NRXN3: variants seen among roughly 807,000 people sequenced by gnomAD.
NRXN3 encodes neurexin 3, also known as neurexin III.
NRXN3 carries 32 observed loss-of-function variants against 137.6 expected under a neutral mutation model. The ratio of observed to expected loss-of-function variants is 0.23; its 90% CI spans 0.18 to 0.31. The LOEUF is 0.31. Among genes scored for constraint, NRXN3 ranks in the 10% least tolerant of loss-of-function variants. The pLI is 1.00. For missense variants in NRXN3, 1,574 were observed against 2,062.5 expected, an observed-to-expected ratio of 0.76 and a Z score of 4.59; for synonymous variants, 798 against 784.5, an observed-to-expected ratio of 1.02 and a Z score of -0.29.
intron 11 of NRXN3, among the ~76,000 whole-genome samples, chr14:78,963,831 C>T (rs907670751): frequency 3.3e-5 from 5 of 152,082 alleles, no homozygotes; most frequent in Non-Finnish European, 7.4e-5. Context: ...GCTGTGTTAC[C>T]TAGGCTGGAG....
At position 78,978,885 on chromosome 14, in the gene NRXN3, G is replaced by T. The variant is rs71414774; in HGVS notation, c.3143-9137G>T. 6.0e-3 allele frequency among the ~76,000 whole-genome samples: 908 copies of T among 151,696 alleles called. 3 individuals carry two copies. The highest frequency in any genetic ancestry group is 7.9e-3 in the South Asian group (38 of 4,800). ...CTGTATGCTGGAGAATAAAACAGTT[G>T]GATTCTAAAGCCCTGGGAATGGGGG... On this transcript the variant is annotated intron_variant, in intron 14 of 20. Transcript: ENST00000335750.
intron 4 of NRXN3, among the ~76,000 whole-genome samples, chr14:78,560,748 A>G (rs1327711760): frequency 6.6e-6 from 1 of 152,180 alleles, no homozygotes; most frequent in Admixed American, 6.5e-5. Flanking sequence ...AACCTGGGGG[A>G]AAAGAGTGTT....
intron 17 of NRXN3, among the ~76,000 whole-genome samples, chr14:79,676,084 C>T (rs1278488138): frequency 6.6e-6 from 1 of 151,994 alleles, no homozygotes; most frequent in Non-Finnish European, 1.5e-5. Flanking sequence ...CCTTCATTAT[C>T]TCAGCATTGG....
chr14:79,083,897 A>G (rs777585202), intron 15 of NRXN3, among the ~76,000 whole-genome samples: 1 of 151,992 alleles, frequency 6.6e-6, no homozygotes, highest in Non-Finnish European at 1.5e-5. Flanking sequence ...AGCATGGGAA[A>G]GTTTTTTGTT....
intron 10 of NRXN3, among the ~76,000 whole-genome samples, chr14:78,823,245 ACT>A (rs1387752558): frequency 7.9e-5 from 12 of 151,990 alleles, no homozygotes; most frequent in Non-Finnish European, 1.3e-4. Context: ...TAATGCTGGT[ACT>A]CTCTGTCTCT....
intron 16 of NRXN3, among the ~76,000 whole-genome samples, chr14:79,625,158 C>T (rs140196832): frequency 3.9e-4 from 59 of 152,164 alleles, no homozygotes; most frequent in Non-Finnish European, 6.0e-4. Context: ...CTTCTGGGTC[C>T]AATCATGTTG....
chr14:79,118,438 G>A (rs886972547), intron 15 of NRXN3, among the ~76,000 whole-genome samples: 2 of 152,164 alleles, frequency 1.3e-5, no homozygotes, highest in African/African-American at 4.8e-5. Flanking sequence ...TACAGGCCAA[G>A]CATTTAAGTG....
chr14:78,691,502 T>C (rs553401815), intron 6 of NRXN3, among the ~76,000 whole-genome samples: 12 of 152,268 alleles, frequency 7.9e-5, no homozygotes, highest in African/African-American at 2.9e-4. Context: ...AGATAAGCAA[T>C]AGATTTAGGT....
intron 20 of NRXN3, among the ~76,000 whole-genome samples, chr14:79,830,178 G>A (rs2099318596): frequency 6.6e-6 from 1 of 152,180 alleles, no homozygotes; most frequent in Non-Finnish European, 1.5e-5. Context: ...TGAAGTTCTA[G>A]GGAGCATTTT....
At chr14:79,477,022 G>T (rs56376412) in intron 16 of NRXN3, among the ~76,000 whole-genome samples, 1 of 152,002 alleles carries the variant, frequency 6.6e-6, no homozygotes, top group South Asian at 2.1e-4. Flanking sequence ...ATCTAGCCGG[G>T]GGGTAGAGGG....
chr14:78,653,182 G>C lies in NRXN3; in HGVS notation c.1221+1856G>C, dbSNP rs557064433. The stretch of plus-strand genomic sequence containing the variant: ...TATCTCTCTGCAGGATGTTACCTAG[G>C]CTTCTGCTGGCTTCAGAGATTTCAT... On this transcript the variant is annotated intron_variant, in intron 6 of 20. Transcript: ENST00000335750. Among the ~76,000 whole-genome samples, 279 of 152,264 alleles carry C rather than the reference G, an allele frequency of 1.8e-3. 3 individuals carry two copies. In the South Asian group the frequency reaches 0.028, roughly 15 times the overall value.
rs560877253 is a variant in NRXN3 at position 78,909,049 on chromosome 14, A to G, written c.2276-48193A>G. Among the ~76,000 whole-genome samples, 29 of 152,278 alleles carry G rather than the reference A, an allele frequency of 1.9e-4. No individual in the cohort carries two copies. The South Asian group carries it at 5.8e-3, about 30-fold the overall frequency. ...AGACATCTCAACTGGTTCAGCCTAC[A>G]CAATTCTTACTGAAAAATTTAAGTT... On this transcript the variant is annotated intron_variant, in intron 10 of 20. Coordinates refer to ENST00000335750, the MANE Select transcript of NRXN3 (RefSeq NM_001330195.2).
At position 79,506,736 on chromosome 14, in the gene NRXN3, C is replaced by G. The variant is rs2096882632; in HGVS notation, c.3444+39334C>G. Among the ~76,000 whole-genome samples the G allele has an allele frequency of 2.0e-5, 3 of 152,134 alleles. 1 individual carries two copies. The South Asian group carries it at 6.2e-4, about 32-fold the overall frequency. On this transcript the variant is annotated intron_variant, in intron 16 of 20. Transcript: ENST00000335750. The stretch of plus-strand genomic sequence containing the variant: ...GCTTCATTTGTCCTTTAAGACAACC[C>G]CATAACCTTTCATCTAGGGGAAAGA...
Position 78,215,704 on chromosome 14 carries a change from C to A in NRXN3, c.-703-26687C>A, listed in dbSNP as rs1203797575. ...CACCCTTGTCCACAGCTGTTTCCTG[C>A]CGCTGCTTTGTTGGTGCTGGGAAGT... On this transcript the variant is annotated intron_variant, in intron 1 of 20. Coordinates refer to ENST00000335750, the MANE Select transcript of NRXN3 (RefSeq NM_001330195.2). Among the ~76,000 whole-genome samples the A allele has an allele frequency of 2.8e-5, 4 of 140,636 alleles. No homozygotes were observed. In the South Asian group the frequency reaches 6.4e-4, roughly 23 times the overall value. The allele number at this position is 140,636 out of a possible 152,430, so 92.3% of individuals were successfully genotyped here. A position where few individuals can be genotyped will look rare whatever the true frequency, so the allele number is the denominator to read the frequency against.
chr14:78,465,158 A>G (rs564951189), intron 4 of NRXN3, among the ~76,000 whole-genome samples: 2 of 152,226 alleles, frequency 1.3e-5, no homozygotes, highest in South Asian at 2.1e-4. Context: ...AGGAGAAGAT[A>G]CTAGATGCAT....
At chr14:78,805,227 T>C (rs115883297) in intron 9 of NRXN3, among the ~76,000 whole-genome samples, 1,928 of 152,238 alleles carry the variant, frequency 0.013, 42 homozygotes, top group African/African-American at 0.044. Flanking sequence ...TCCAACTTCA[T>C]TTGATTTCTG....
At chr14:79,853,911 A>G in intron 20 of NRXN3, 1 of 991,272 alleles carries the variant, frequency 1.0e-6, no homozygotes, top group Non-Finnish European at 1.2e-6. Flanking sequence ...AATCGGAATT[A>G]TTTTAAATTC....
intron 16 of NRXN3, among the ~76,000 whole-genome samples, chr14:79,608,868 C>T (rs544156083): frequency 4.6e-5 from 7 of 151,842 alleles, no homozygotes; most frequent in African/African-American, 1.4e-4. Flanking sequence ...TGTTTATTGA[C>T]GAGCCATTTC....
intron 16 of NRXN3, among the ~76,000 whole-genome samples, chr14:79,525,100 T>C (rs2097106145): frequency 6.6e-6 from 1 of 152,156 alleles, no homozygotes; most frequent in South Asian, 2.1e-4. Flanking sequence ...TTTTAGGTCT[T>C]ATGACTAGCT....
Sources: gnomAD v4.1 joint callset for allele counts (sites outside exome capture counted in the v4.1 genomes callset) on GRCh38, gnomAD v4.1.1 for gene constraint, MANE v1.5 for transcripts, NCBI Gene and HGNC (gene_info 2026-07-23, HGNC 2026-07-21) for gene names.